PDZRN3: variants seen among roughly 807,000 people sequenced by gnomAD.
PDZRN3 encodes PDZ domain containing ring finger 3.
A neutral mutation model predicts 85.7 loss-of-function variants in PDZRN3; 38 were observed. The observed-to-expected ratio is 0.44, with a 90% CI of 0.34 to 0.58. PDZRN3 has a LOEUF of 0.58. PDZRN3 is among the 20% of genes least tolerant of loss of function. The pLI is 0.01. For synonymous variants in PDZRN3, 759 were observed against 638.0 expected (o/e 1.19, Z -2.86); for missense variants, 1,629 against 1,506.4 (o/e 1.08, Z -1.35).
chr3:73,545,070 C>T (rs1011975872), intron 3 of PDZRN3, among the ~76,000 whole-genome samples: 2 of 152,198 alleles, frequency 1.3e-5, no homozygotes, highest in Admixed American at 1.3e-4. Flanking sequence ...TTACAGCATG[C>T]CTACCTATAC....
At chr3:73,535,408 C>T (rs1181598237) in intron 3 of PDZRN3, among the ~76,000 whole-genome samples, 1 of 152,152 alleles carries the variant, frequency 6.6e-6, no homozygotes, top group South Asian at 2.1e-4. Context: ...TCCAAGGATT[C>T]CTCTCTCTAC....
rs367664961 is a variant in PDZRN3 at position 73,384,467 on chromosome 3, A to T, written c.2099T>A (p.Leu700Gln). The T allele has an allele frequency of 1.2e-6, 2 of 1,612,950 alleles. No individual in the cohort carries two copies. The highest frequency in any genetic ancestry group is 2.7e-5 in the African/African-American group (2 of 74,948). ...CATCTTGTGGGCGCGCACGATGCTC[A>T]GGCACTCCAGCTCGATGCTGCGCAG... is the stretch of plus-strand genomic sequence containing the variant. The part of the protein sequence containing the change: ...EELRSIELEC[L>Q]SIVRAHKMQQ... Residue 700 changes from leucine to glutamine, a missense_variant, in exon 10 of 10, where the codon CTG (leucine) becomes CAG (glutamine). Leu to Gln is a moderately radical substitution (Grantham distance 113). Transcript: ENST00000263666.
intron 3 of PDZRN3, among the ~76,000 whole-genome samples, chr3:73,489,302 CT>C (rs1211399711): frequency 6.6e-6 from 1 of 152,098 alleles, no homozygotes; most frequent in African/African-American, 2.4e-5. Flanking sequence ...TTAATGGTAC[CT>C]TTTCCTGCTT....
rs945325428 is a variant in PDZRN3 at position 73,385,062 on chromosome 3, G to A, written c.1636-132C>T. ...TAAGGCCAAGGGACAGCATCTGACA[G>A]TAGGACCACGTCAATAGCGTGGGCC... On this transcript the variant is annotated intron_variant, in intron 9 of 9. Coordinates refer to ENST00000263666, the MANE Select transcript of PDZRN3 (RefSeq NM_015009.3). The A allele has an allele frequency of 4.0e-6, 4 of 1,002,492 alleles. No individual in the cohort carries two copies. The African/African-American group carries it at 6.5e-5, about 16-fold the overall frequency. 62.1% of individuals were successfully genotyped at this position (1,002,492 alleles called of 1,614,324 possible).
chr3:73,422,895 G>A (rs989599472), intron 3 of PDZRN3, among the ~76,000 whole-genome samples: 2 of 152,092 alleles, frequency 1.3e-5, no homozygotes, highest in Non-Finnish European at 2.9e-5. Flanking sequence ...TTAGAAAGTC[G>A]CCAGAGAGAG....
intron 3 of PDZRN3, among the ~76,000 whole-genome samples, chr3:73,486,654 A>C (rs1273729624): frequency 6.6e-6 from 1 of 152,220 alleles, no homozygotes; most frequent in African/African-American, 2.4e-5. Context: ...ATTTTAAAAG[A>C]AGGAAAAAGT....
chr3:73,452,830 T>A (rs1702891841), intron 3 of PDZRN3, among the ~76,000 whole-genome samples: 4 of 144,472 alleles, frequency 2.8e-5, no homozygotes, highest in Admixed American at 2.1e-4. Context: ...TCTCTAACGG[T>A]CCATATATCT....
At chr3:73,552,796 T>C (rs1317365755) in intron 3 of PDZRN3, among the ~76,000 whole-genome samples, 1 of 152,194 alleles carries the variant, frequency 6.6e-6, no homozygotes, top group Non-Finnish European at 1.5e-5. Flanking sequence ...AAATAGGTAT[T>C]TGGAAAACAG....
chr3:73,612,370 C>T (rs1239234907), intron 1 of PDZRN3, among the ~76,000 whole-genome samples: 7 of 152,198 alleles, frequency 4.6e-5, no homozygotes, highest in East Asian at 3.8e-4. Context: ...GTTCTAAATC[C>T]TTCTGCCTCC....
At chr3:73,483,561 A>C (rs1360595193) in intron 3 of PDZRN3, among the ~76,000 whole-genome samples, 1 of 152,236 alleles carries the variant, frequency 6.6e-6, no homozygotes. Context: ...CACATAGTTA[A>C]GCAAATATAT....
At position 73,404,377 on chromosome 3, in the gene PDZRN3, A is replaced by G. The variant is rs200834803; in HGVS notation, c.937T>C (p.Ser313Pro). Reference protein sequence around the residue: ...RIIEVNGRDLSRATHDQAVEA... With the variant: ...RIIEVNGRDLPRATHDQAVEA... The stretch of plus-strand genomic sequence containing the variant: ...ACAGCCTGGTCATGAGTTGCTCTGG[A>G]TAAGTCTCTGCCGTTGACCTGTGGA... Residue 313 changes from serine (S) to proline (P), a missense_variant, in exon 4 of 10, where the codon TCC (serine) becomes CCC (proline). By Grantham distance (74) the Ser-to-Pro change is moderately conservative. Coordinates refer to ENST00000263666, the MANE Select transcript of PDZRN3 (RefSeq NM_015009.3). 4 of 1,613,834 alleles carry G rather than the reference A, an allele frequency of 2.5e-6. No individual in the cohort carries two copies. The highest frequency in any genetic ancestry group is 1.7e-5 in the Admixed American group (1 of 59,982).
At chr3:73,535,510 T>G (rs1386077674) in intron 3 of PDZRN3, among the ~76,000 whole-genome samples, 1 of 152,166 alleles carries the variant, frequency 6.6e-6, no homozygotes, top group Non-Finnish European at 1.5e-5. Context: ...GGGCTATCAG[T>G]GCCCCTATCC....
intron 3 of PDZRN3, among the ~76,000 whole-genome samples, chr3:73,560,931 GATGGT>G (rs1286285150): frequency 6.6e-6 from 1 of 152,242 alleles, no homozygotes; most frequent in Non-Finnish European, 1.5e-5. Context: ...GCTGGGTCTA[GATGGT>G]AATGGTCAGA....
At chr3:73,458,463 GT>G (rs546939088) in intron 3 of PDZRN3, among the ~76,000 whole-genome samples, 2 of 150,748 alleles carry the variant, frequency 1.3e-5, no homozygotes, top group Non-Finnish European at 3.0e-5. Context: ...TTTTAAATAG[GT>G]TTTTTTCCCA....
At chr3:73,392,140 G>A (rs982325653) in intron 5 of PDZRN3, among the ~76,000 whole-genome samples, 5 of 152,222 alleles carry the variant, frequency 3.3e-5, no homozygotes, top group African/African-American at 9.6e-5. Flanking sequence ...GATGAAAGGC[G>A]GGTGCCAGGC....
In PDZRN3 at chr3:73,563,013, A is replaced by T. The variant is rs868246881; in HGVS notation, c.918+39341T>A. Among the ~76,000 whole-genome samples, 161 of 43,736 alleles carry T rather than the reference A, an allele frequency of 3.7e-3. 6 individuals carry two copies. The highest frequency in any genetic ancestry group is 0.011 in the African/African-American group (104 of 9,842). 28.7% of individuals were successfully genotyped at this position (43,736 alleles called of 152,430 possible). A position where few individuals can be genotyped will look rare whatever the true frequency, so the allele number is the denominator to read the frequency against. ...TATATATATATATATATATATATAT[A>T]TTTTTTTTTTTTTTTTTTTTTTTGA... is the stretch of plus-strand genomic sequence containing the variant. On this transcript the variant is annotated intron_variant, in intron 3 of 9. Transcript: ENST00000263666.
chr3:73,423,883 A>G (rs1373227473), intron 3 of PDZRN3, among the ~76,000 whole-genome samples: 1 of 152,196 alleles, frequency 6.6e-6, no homozygotes. Context: ...TTTCTAAGAT[A>G]CACGTATGGA....
At chr3:73,434,040 A>C in intron 3 of PDZRN3, 1 of 809,346 alleles carries the variant, frequency 1.2e-6, no homozygotes, top group Non-Finnish European at 1.6e-6. Context: ...CTGCTCATGC[A>C]TATTAATCAG....
intron 3 of PDZRN3, among the ~76,000 whole-genome samples, chr3:73,404,953 G>A (rs1268568024): frequency 1.3e-5 from 2 of 152,334 alleles, no homozygotes; most frequent in Admixed American, 6.5e-5. Flanking sequence ...AATGGCCAGC[G>A]TTTGGGGGAA....
Sources: allele counts gnomAD v4.1 joint callset (sites outside exome capture counted in the v4.1 genomes callset), GRCh38; gene constraint gnomAD v4.1.1; transcripts MANE v1.5; gene names NCBI Gene and HGNC (gene_info 2026-07-23, HGNC 2026-07-21).